The following TMED3 variants were observed in gnomAD, a reference collection of about 807,000 sequenced individuals.
TMED3 encodes transmembrane p24 trafficking protein 3, also known as transmembrane emp24 domain-containing protein 3.
Under a neutral mutation model 15.0 loss-of-function variants are expected in TMED3, and 9 were observed. The observed-to-expected ratio is 0.60, with a 90% CI of 0.36 to 1.04. TMED3 has a LOEUF of 1.04. TMED3 is among the 50% of genes least tolerant of loss of function. The pLI is 0.01. For missense variants in TMED3, 267 were observed against 278.9 expected (o/e 0.96, Z 0.30); for synonymous variants, 117 against 121.4 (o/e 0.96, Z 0.24).
At chr15:79,356,712 T>A (rs1222863689) in intron 2 of TMED3, among the ~76,000 whole-genome samples, 1 of 152,182 alleles carries the variant, frequency 6.6e-6, no homozygotes, top group African/African-American at 2.4e-5. Flanking sequence ...AAAATTCAGT[T>A]GAAAGCATTC....
At chr15:79,382,515 G>C (rs1401976665) in intron 2 of TMED3, among the ~76,000 whole-genome samples, 1 of 152,194 alleles carries the variant, frequency 6.6e-6, no homozygotes, top group Non-Finnish European at 1.5e-5. Flanking sequence ...CAAAGGGAGA[G>C]GTCATTCTTC....
chr15:79,368,439 G>C (rs1893277764), intron 2 of TMED3, among the ~76,000 whole-genome samples: 1 of 152,120 alleles, frequency 6.6e-6, no homozygotes, highest in African/African-American at 2.4e-5. Flanking sequence ...TGCTGTGAGG[G>C]AGCTTGCACA....
chr15:79,343,214 C>A (rs2058857692), intron 2 of TMED3, among the ~76,000 whole-genome samples: 1 of 152,296 alleles, frequency 6.6e-6, no homozygotes, highest in African/African-American at 2.4e-5. Flanking sequence ...ACGGTGCATA[C>A]AACCTCCATC....
chr15:79,399,112 T>C (rs1567040249), intron 2 of TMED3, among the ~76,000 whole-genome samples: 1 of 152,136 alleles, frequency 6.6e-6, no homozygotes, highest in East Asian at 1.9e-4. Context: ...GGTTTCACCA[T>C]GTTGGCCAGG....
intron 2 of TMED3, among the ~76,000 whole-genome samples, chr15:79,332,899 C>G (rs1419489276): frequency 6.6e-6 from 1 of 152,198 alleles, no homozygotes; most frequent in Non-Finnish European, 1.5e-5. Context: ...CACCTCCTCT[C>G]CAGCCTTAGG....
chr15:79,369,900 G>T (rs934675787), intron 2 of TMED3, among the ~76,000 whole-genome samples: 5 of 152,200 alleles, frequency 3.3e-5, no homozygotes, highest in Non-Finnish European at 7.3e-5. Context: ...CCAGCAAGTG[G>T]CAATAGCAGG....
chr15:79,379,347 C>G (rs1893480667), intron 2 of TMED3, among the ~76,000 whole-genome samples: 1 of 152,140 alleles, frequency 6.6e-6, no homozygotes, highest in Admixed American at 6.5e-5. Context: ...ACCTAATGAG[C>G]AAAGCCAATT....
At chr15:79,381,882 T>C (rs1567037006) in intron 2 of TMED3, among the ~76,000 whole-genome samples, 1 of 152,226 alleles carries the variant, frequency 6.6e-6, no homozygotes. Context: ...GGGGTCTTAA[T>C]GCTGTCAGAA....
intron 2 of TMED3, among the ~76,000 whole-genome samples, chr15:79,365,867 A>G (rs962427236): frequency 3.0e-4 from 45 of 152,126 alleles, no homozygotes; most frequent in African/African-American, 1.0e-3. Context: ...GTCCCTCCAT[A>G]TCTGAGGTCT....
At chr15:79,339,758 T>G (rs1458996954) in intron 2 of TMED3, among the ~76,000 whole-genome samples, 3 of 150,990 alleles carry the variant, frequency 2.0e-5, no homozygotes, top group Non-Finnish European at 4.4e-5. Flanking sequence ...GTGATAGTGG[T>G]GATTATGGTG....
chr15:79,389,239 C>T (rs1204271491), intron 2 of TMED3, among the ~76,000 whole-genome samples: 1 of 152,016 alleles, frequency 6.6e-6, no homozygotes, highest in Non-Finnish European at 1.5e-5. Flanking sequence ...GATTTAAGTC[C>T]TTAATCCATC....
intron 2 of TMED3, among the ~76,000 whole-genome samples, chr15:79,405,767 A>T (rs889314893): frequency 6.6e-6 from 1 of 152,190 alleles, no homozygotes; most frequent in Non-Finnish European, 1.5e-5. Flanking sequence ...GTGGGCCATC[A>T]TGATGCTTTG....
intron 2 of TMED3, among the ~76,000 whole-genome samples, chr15:79,409,742 G>T (rs759507793): frequency 5.3e-5 from 8 of 152,178 alleles, no homozygotes; most frequent in Non-Finnish European, 7.4e-5. Context: ...CCTTTGGTTT[G>T]CCTGGAGCCG....
At chr15:79,369,555 T>C (rs1216588438) in intron 2 of TMED3, among the ~76,000 whole-genome samples, 1 of 152,242 alleles carries the variant, frequency 6.6e-6, no homozygotes, top group African/African-American at 2.4e-5. Context: ...ACCTCGCTCT[T>C]GTTAATTGGA....
intron 2 of TMED3, chr15:79,314,721 G>C (rs753404833): frequency 2.4e-5 from 8 of 339,514 alleles, no homozygotes; most frequent in Non-Finnish European, 4.9e-5. Context: ...CTTAGCAACA[G>C]CTCCACACTA....
In TMED3 at chr15:79,377,297, T is replaced by TGTGTGTGTGTGTGA. The variant is rs1491369749; in HGVS notation, c.418-34102_418-34101insTGTGTGTGTGTGAG. ...GTGTGTGTGTGTGTGTGTGTGTGTG[T>TGTGTGTGTGTGTGA]GAGAGAGAGAGAGAGAGAGAATGTG... On this transcript the variant is annotated intron_variant, in intron 2 of 2. Coordinates refer to the TMED3 transcript ENST00000424155. 3.4e-3 allele frequency among the ~76,000 whole-genome samples: 340 copies of TGTGTGTGTGTGTGA among 99,522 alleles called. 1 individual carries two copies. Among genetic ancestry groups the TGTGTGTGTGTGTGA allele is most frequent in the African/African-American group, 0.012 (320 of 27,452 alleles). 65.3% of individuals were successfully genotyped at this position (99,522 alleles called of 152,430 possible). A position where few individuals can be genotyped will look rare whatever the true frequency, so the allele number is the denominator to read the frequency against.
intron 2 of TMED3, among the ~76,000 whole-genome samples, chr15:79,380,233 C>T (rs1313374255): frequency 6.6e-6 from 1 of 151,850 alleles, no homozygotes; most frequent in Admixed American, 6.6e-5. Context: ...CACCTGTAAT[C>T]CCAGCTACTC....
chr15:79,330,399 C>T (rs1248477910), intron 2 of TMED3, among the ~76,000 whole-genome samples: 1 of 146,082 alleles, frequency 6.8e-6, no homozygotes, highest in Non-Finnish European at 1.5e-5. Context: ...TACAACCTAG[C>T]TGAAAAAGAA....
chr15:79,318,840 CT>C (rs1717167599), intron 2 of TMED3, among the ~76,000 whole-genome samples: 4 of 152,210 alleles, frequency 2.6e-5, no homozygotes, highest in Admixed American at 2.6e-4. Flanking sequence ...GCTTTCTTTT[CT>C]GGTGGTTGGC....
Sources: gnomAD v4.1 joint callset for allele counts (sites outside exome capture counted in the v4.1 genomes callset) on GRCh38, gnomAD v4.1.1 for gene constraint, MANE v1.5 for transcripts, NCBI Gene and HGNC (gene_info 2026-07-23, HGNC 2026-07-21) for gene names.